The following ELP2 variants were observed in gnomAD, a reference collection of about 807,000 sequenced individuals.
ELP2 encodes the protein elongator complex protein 2.
ELP2 carries 90 observed loss-of-function variants against 119.2 expected under a neutral mutation model. The ratio of observed to expected loss-of-function variants is 0.75; its 90% CI spans 0.64 to 0.90. The LOEUF is 0.90. Among genes scored for constraint, ELP2 ranks in the 40% least tolerant of loss-of-function variants. The pLI, the probability that ELP2 is intolerant of heterozygous loss-of-function variation, is 0.00. For missense variants in ELP2, 921 were observed against 967.8 expected, an observed-to-expected ratio of 0.95 and a Z score of 0.64; for synonymous variants, 339 against 331.0, an observed-to-expected ratio of 1.02 and a Z score of -0.26.
At position 36,176,922 on chromosome 18, in the gene ELP2, A is replaced by G. The variant is rs1356277613; in HGVS notation, c.*2281A>G. 6 of 152,274 alleles carry G rather than the reference A, an allele frequency of 3.9e-5. No individual in the cohort carries two copies. The South Asian group carries it at 6.2e-4, about 16-fold the overall frequency. 9.4% of individuals were successfully genotyped at this position (152,274 alleles called of 1,614,324 possible). ...TTATCTTAATTAAAATGACATCACC[A>G]ACAATGGGCCCTTTCCTGTCTGCCA... On this transcript the variant is annotated 3_prime_UTR_variant, in exon 22 of 22. Coordinates refer to ENST00000358232, the MANE Select transcript of ELP2 (RefSeq NM_018255.4).
chr18:36,148,323 C>T (rs559616668), intron 11 of ELP2, among the ~76,000 whole-genome samples: 16 of 152,088 alleles, frequency 1.1e-4, no homozygotes, highest in Non-Finnish European at 1.5e-4. Context: ...CTGCCCACCT[C>T]GGCCTCCCAG....
In ELP2 at chr18:36,163,241, A is replaced by G. The variant is rs1291016180; in HGVS notation, c.1762-1234A>G. ...ATTTTGCTGCAGAAGACATGATTTC[A>G]TTGTTTTTTATGGCCGAGTAGTAGT... On this transcript the variant is annotated intron_variant, in intron 17 of 21. Coordinates refer to ENST00000358232, the MANE Select transcript of ELP2 (RefSeq NM_018255.4). Among the ~76,000 whole-genome samples, 4 of 141,554 alleles carry G rather than the reference A, an allele frequency of 2.8e-5. No homozygotes were observed. The East Asian group carries it at 6.1e-4, about 21-fold the overall frequency. The allele number at this position is 141,554 out of a possible 152,430, so 92.9% of individuals were successfully genotyped here. A position where few individuals can be genotyped will look rare whatever the true frequency, so the allele number is the denominator to read the frequency against.
intron 9 of ELP2, chr18:36,145,420 T>C: frequency 3.3e-6 from 1 of 303,548 alleles, no homozygotes; most frequent in Admixed American, 4.8e-5. Flanking sequence ...AAAGTAAGAC[T>C]GTTACTCCTT....
At chr18:36,160,420 TTAAAAAATTA>T (rs1254600129) in intron 16 of ELP2, among the ~76,000 whole-genome samples, 1 of 151,706 alleles carries the variant, frequency 6.6e-6, no homozygotes. Flanking sequence ...ACAAAAAATT[TTAAAAAATTA>T]GCCAGGCATG....
At chr18:36,143,042 C>T (rs1262983632) in intron 8 of ELP2, 76 bp downstream of exon 8, 19 of 992,998 alleles carry the variant, frequency 1.9e-5, no homozygotes, top group Non-Finnish European at 2.8e-5. Context: ...CACCACCCAC[C>T]TATGTGAAGG....
intron 11 of ELP2, among the ~76,000 whole-genome samples, chr18:36,149,158 C>T (rs2090307010): frequency 6.6e-6 from 1 of 152,202 alleles, no homozygotes; most frequent in South Asian, 2.1e-4. Context: ...TCTTTACTCT[C>T]AGCTGCTATT....
intron 12 of ELP2, 34 bp downstream of exon 12, chr18:36,155,033 T>C: frequency 6.4e-7 from 1 of 1,573,412 alleles, no homozygotes; most frequent in Non-Finnish European, 8.7e-7. Context: ...TATTTTTTCT[T>C]GGGACAGAGT....
intron 5 of ELP2, 36 bp downstream of exon 5, chr18:36,138,908 T>G: frequency 7.0e-7 from 1 of 1,430,816 alleles, no homozygotes; most frequent in Non-Finnish European, 9.9e-7. Flanking sequence ...AAAAGGGCAG[T>G]ATATTTGCAT....
At position 36,130,210 on chromosome 18, in the gene ELP2, A is replaced by G. The variant is rs1175581838; in HGVS notation, c.138+139A>G. 5.5e-6 allele frequency: 6 copies of G among 1,089,566 alleles called. No individual in the cohort carries two copies. In the East Asian group the frequency reaches 1.2e-4, roughly 22 times the overall value. 67.5% of individuals were successfully genotyped at this position (1,089,566 alleles called of 1,614,324 possible). On this transcript the variant is annotated intron_variant, in intron 1 of 21. Transcript: ENST00000358232. ...TCAGGGGAGCGGGGTTTGGGCTCGGAGTCTCCAGTGGACCTGCCGGACTCG... is the reference window on the plus strand; with the variant it reads ...TCAGGGGAGCGGGGTTTGGGCTCGGGGTCTCCAGTGGACCTGCCGGACTCG...
intron 8 of ELP2, among the ~76,000 whole-genome samples, chr18:36,144,393 C>CA (rs1435935921): frequency 6.6e-6 from 1 of 152,140 alleles, no homozygotes; most frequent in African/African-American, 2.4e-5. Context: ...TTAGTTGACT[C>CA]ACAGTTCTGC....
In ELP2 at chr18:36,136,818, A is replaced by G. The variant is rs1598739691; in HGVS notation, c.288+441A>G. ...TCCTGTCATTTTGGAATAATTTTCA[A>G]ACTATTCTTACTTGGGCTGATCTGT... is the stretch of plus-strand genomic sequence containing the variant. On this transcript the variant is annotated intron_variant, in intron 3 of 21. Coordinates refer to ENST00000358232, the MANE Select transcript of ELP2 (RefSeq NM_018255.4). Among the ~76,000 whole-genome samples, 4 of 152,228 alleles carry G rather than the reference A, an allele frequency of 2.6e-5. No individual in the cohort carries two copies. In the South Asian group the frequency reaches 8.3e-4, roughly 32 times the overall value.
chr18:36,148,121 T>C (rs577517600), intron 11 of ELP2, among the ~76,000 whole-genome samples: 82 of 138,882 alleles, frequency 5.9e-4, no homozygotes, highest in African/African-American at 2.2e-3. Context: ...TGAGATGGAG[T>C]CTCACTCTGT....
Position 36,150,277 on chromosome 18 carries a change from A to G in ELP2, c.1125+3896A>G, listed in dbSNP as rs529848986. Among the ~76,000 whole-genome samples, 334 of 152,300 alleles carry G rather than the reference A, an allele frequency of 2.2e-3. 4 individuals are homozygous for G. The highest frequency in any genetic ancestry group is 7.7e-3 in the African/African-American group (318 of 41,564). On this transcript the variant is annotated intron_variant, in intron 11 of 21. Coordinates refer to ENST00000358232, the MANE Select transcript of ELP2 (RefSeq NM_018255.4). ...AGCTCTTGAGAGCTGTTCATCTGACACTGCAGAATCCAGCAGTTTTTCACA... is the reference window on the plus strand; with the variant it reads ...AGCTCTTGAGAGCTGTTCATCTGACGCTGCAGAATCCAGCAGTTTTTCACA...
intron 14 of ELP2, 119 bp downstream of exon 14, chr18:36,159,023 A>G: frequency 2.8e-6 from 2 of 721,472 alleles, no homozygotes; most frequent in East Asian, 2.7e-5. Context: ...ATCACAGTAT[A>G]TCTTTTCTAT....
Position 36,168,913 on chromosome 18 carries a change from C to CT in ELP2, c.2077-1122dup, listed in dbSNP as rs61459855. 5.3e-3 allele frequency among the ~76,000 whole-genome samples: 364 copies of CT among 69,270 alleles called. 41 individuals carry two copies. The highest frequency in any genetic ancestry group is 0.022 in the African/African-American group (357 of 16,282). 45.4% of individuals were successfully genotyped at this position (69,270 alleles called of 152,430 possible). A position where few individuals can be genotyped will look rare whatever the true frequency, so the allele number is the denominator to read the frequency against. On this transcript the variant is annotated intron_variant, in intron 19 of 21. Coordinates refer to ENST00000358232, the MANE Select transcript of ELP2 (RefSeq NM_018255.4). Reference sequence around the variant, plus strand: ...GTCCACTTCACTTCTCTCTCCATTTCTTTTTTTTTTTTTTTTTTTTTTTTT... The same window carrying CT: ...GTCCACTTCACTTCTCTCTCCATTTCTTTTTTTTTTTTTTTTTTTTTTTTTT...
At chr18:36,157,619 A>C (rs567135425) in intron 13 of ELP2, among the ~76,000 whole-genome samples, 1 of 152,314 alleles carries the variant, frequency 6.6e-6, no homozygotes, top group South Asian at 2.1e-4. Flanking sequence ...GAGACTCTGA[A>C]AGCAGTGAAA....
Position 36,133,111 on chromosome 18 carries a change from G to A in ELP2, c.139-127G>A, listed in dbSNP as rs1449904034. 3 of 708,322 alleles carry A rather than the reference G, an allele frequency of 4.2e-6. No homozygotes were observed. The African/African-American group carries it at 5.3e-5, about 13-fold the overall frequency. The allele number at this position is 708,322 out of a possible 1,614,324, so 43.9% of individuals were successfully genotyped here. A position where few individuals can be genotyped will look rare whatever the true frequency, so the allele number is the denominator to read the frequency against. ...GTTAAAAGTTTATAGATTGAAGAAG[G>A]CAAATCTGTTTGATGTAAACCTGAT... On this transcript the variant is annotated intron_variant, in intron 1 of 21. Coordinates refer to ENST00000358232, the MANE Select transcript of ELP2 (RefSeq NM_018255.4).
rs746691510 is a variant in ELP2 at position 36,156,638 on chromosome 18, A to G, written c.1448A>G (p.Asn483Ser). 1 of 1,613,954 alleles carries G rather than the reference A, an allele frequency of 6.2e-7. No individual in the cohort carries two copies. The highest frequency in any genetic ancestry group is 1.3e-5 in the African/African-American group (1 of 74,940). Residue 483 changes from asparagine to serine, a missense_variant, in exon 13 of 22, where the codon AAT (asparagine) becomes AGT (serine). Coordinates refer to ENST00000358232, the MANE Select transcript of ELP2 (RefSeq NM_018255.4). ...NFCAITGQSL[N>S]HVLCNQDSDL... ...TGTGCCATTACAGGACAATCACTGA[A>G]TCATGTGCTCTGTAATGTGAGTATT...
chr18:36,174,621 G>C lies in ELP2; in HGVS notation c.2461G>C (p.Val821Leu). The change falls in exon 22 of 22, where the codon GTC becomes CTC. Residue 821 changes from valine (V) to leucine (L), a missense_variant. Val to Leu is a conservative substitution (Grantham distance 32). Coordinates refer to ENST00000358232, the MANE Select transcript of ELP2 (RefSeq NM_018255.4). Reference protein sequence around the residue: ...GEDHTVKIHRVNKCAL With the variant: ...GEDHTVKIHRLNKCAL The stretch of plus-strand genomic sequence containing the variant: ...AGATCACACTGTGAAGATACACAGA[G>C]TCAATAAATGTGCACTGTAATGGAC... 2 of 1,614,134 alleles carry C rather than the reference G, an allele frequency of 1.2e-6. No homozygotes were observed. Among genetic ancestry groups the C allele is most frequent in the Non-Finnish European group, 1.7e-6 (2 of 1,180,012 alleles).
Sources: gnomAD v4.1 joint callset for allele counts (sites outside exome capture counted in the v4.1 genomes callset) on GRCh38, gnomAD v4.1.1 for gene constraint, MANE v1.5 for transcripts, NCBI Gene and HGNC (gene_info 2026-07-23, HGNC 2026-07-21) for gene names.